TLN2: variants seen among roughly 807,000 people sequenced by gnomAD.
TLN2 encodes the protein talin 2, also known as talin-2.
Under a neutral mutation model 294.7 loss-of-function variants are expected in TLN2, and 118 were observed. The ratio of observed to expected loss-of-function variants is 0.40; its 90% CI spans 0.34 to 0.47. The LOEUF is 0.47. Ranked by LOEUF, TLN2 falls within the 20% of genes least tolerant of loss-of-function variation. The pLI, the probability that TLN2 is intolerant of heterozygous loss-of-function variation, is 0.84. For synonymous variants in TLN2, 1,431 were observed against 1,304.5 expected (o/e 1.10, Z -2.09); for missense variants, 3,083 against 3,282.2 (o/e 0.94, Z 1.48).
chr15:62,552,708 T>G (rs2042390861), intron 1 of TLN2, among the ~76,000 whole-genome samples: 1 of 152,242 alleles, frequency 6.6e-6, no homozygotes, highest in South Asian at 2.1e-4. Flanking sequence ...GTCACAGTGC[T>G]GTTGCCTGGG....
rs770539424 is a variant in TLN2 at position 62,797,413 on chromosome 15, G to A, written c.6234+11G>A. On this transcript the variant is annotated intron_variant, in intron 48 of 58. Transcript: ENST00000636159. The stretch of plus-strand genomic sequence containing the variant: ...GACCCCGAGACCCAGGTACCAGCAG[G>A]GCCTGGGGAGTGCGTCCTCCCGGTC... 2.5e-6 allele frequency: 4 copies of A among 1,582,298 alleles called. No individual in the cohort carries two copies. Among genetic ancestry groups the A allele is most frequent in the African/African-American group, 1.4e-5 (1 of 73,422 alleles).
rs145432396 is a variant in TLN2, at chr15:62,674,725, C to T, written c.853-492C>T. On this transcript the variant is annotated intron_variant, in intron 10 of 58. Coordinates refer to ENST00000636159, the MANE Select transcript of TLN2 (RefSeq NM_015059.3). ...CCATGTTGGCCAGGCTGGTCTCAAACTCCTAATCTCAAATGATCTAGCCAC... is the reference window on the plus strand; with the variant it reads ...CCATGTTGGCCAGGCTGGTCTCAAATTCCTAATCTCAAATGATCTAGCCAC... 6.6e-3 allele frequency among the ~76,000 whole-genome samples: 1,011 copies of T among 152,234 alleles called. 10 individuals are homozygous for T. The highest frequency in any genetic ancestry group is 0.023 in the African/African-American group (956 of 41,520).
intron 19 of TLN2, among the ~76,000 whole-genome samples, chr15:62,703,808 C>T (rs1184001460): frequency 1.3e-5 from 2 of 152,162 alleles, no homozygotes; most frequent in East Asian, 3.9e-4. Flanking sequence ...ACTGTCACCA[C>T]TGTCTGCAGT....
intron 54 of TLN2, among the ~76,000 whole-genome samples, chr15:62,821,825 T>C (rs1303756095): frequency 1.3e-5 from 2 of 152,236 alleles, no homozygotes; most frequent in African/African-American, 2.4e-5. Flanking sequence ...ATTTTCTGGT[T>C]ACGCCTTTGT....
intron 1 of TLN2, among the ~76,000 whole-genome samples, chr15:62,499,597 A>G (rs1164692833): frequency 6.6e-6 from 1 of 152,090 alleles, no homozygotes; most frequent in Non-Finnish European, 1.5e-5. Context: ...TTAAATTAGC[A>G]AGGTTTCTCT....
intron 3 of TLN2, among the ~76,000 whole-genome samples, chr15:62,626,964 C>A (rs765645337): frequency 6.6e-6 from 1 of 152,228 alleles, no homozygotes; most frequent in East Asian, 1.9e-4. Flanking sequence ...TGGCAGATAT[C>A]CAGTTACATT....
At chr15:62,691,508 G>A (rs1441316230) in intron 12 of TLN2, among the ~76,000 whole-genome samples, 1 of 152,116 alleles carries the variant, frequency 6.6e-6, no homozygotes, top group African/African-American at 2.4e-5. Context: ...AAGAGAATTT[G>A]CAATTTATTG....
intron 37 of TLN2, among the ~76,000 whole-genome samples, chr15:62,760,202 C>A (rs2062576436): frequency 6.6e-6 from 1 of 152,146 alleles, no homozygotes; most frequent in Non-Finnish European, 1.5e-5. Flanking sequence ...CCAAGGCAAG[C>A]CAGGTACTAT....
At chr15:62,826,558 GTGGCAGTCC>G (rs981354708) in intron 54 of TLN2, among the ~76,000 whole-genome samples, 2 of 152,180 alleles carry the variant, frequency 1.3e-5, no homozygotes, top group African/African-American at 4.8e-5. Context: ...ACTAATAAAG[GTGGCAGTCC>G]TGAAGCCACC....
At chr15:62,474,437 G>A (rs1329626372) in intron 1 of TLN2, among the ~76,000 whole-genome samples, 1 of 151,916 alleles carries the variant, frequency 6.6e-6, no homozygotes, top group African/African-American at 2.4e-5. Flanking sequence ...GAGCCTGGGG[G>A]TTTGAGACCA....
intron 2 of TLN2, among the ~76,000 whole-genome samples, chr15:62,606,964 G>A (rs184584100): frequency 5.9e-5 from 9 of 152,154 alleles, no homozygotes; most frequent in Non-Finnish European, 8.8e-5. Context: ...CACCTCCGCC[G>A]CTGCCACCAT....
chr15:62,825,363 G>A (rs1269149857), intron 54 of TLN2, among the ~76,000 whole-genome samples: 1 of 152,144 alleles, frequency 6.6e-6, no homozygotes, highest in African/African-American at 2.4e-5. Context: ...TGTTTGAATT[G>A]ATGTGATTTT....
chr15:62,838,807 C>A lies in TLN2; in HGVS notation c.7375-49C>A, dbSNP rs764373626. On this transcript the variant is annotated intron_variant, in intron 57 of 58. Transcript: ENST00000636159. The stretch of plus-strand genomic sequence containing the variant: ...ACCTTCATGTCTATTCTTGCCAGGC[C>A]CAAATGGCTGTTTCTAATGATATAA... The A allele has an allele frequency of 1.9e-5, 31 of 1,600,550 alleles. No homozygotes were observed. The East Asian group carries it at 6.7e-4, about 35-fold the overall frequency.
chr15:62,702,476 A>T (rs2058775822), intron 18 of TLN2, among the ~76,000 whole-genome samples: 1 of 152,256 alleles, frequency 6.6e-6, no homozygotes. Context: ...TAAGGGGAAT[A>T]GAAGTTTGCA....
At chr15:62,522,524 CT>C (rs2040513681) in intron 1 of TLN2, among the ~76,000 whole-genome samples, 1 of 152,178 alleles carries the variant, frequency 6.6e-6, no homozygotes, top group African/African-American at 2.4e-5. Flanking sequence ...ACGCTGTGAG[CT>C]TTTTGCAGTT....
chr15:62,778,067 A>C (rs1466240081), intron 43 of TLN2, among the ~76,000 whole-genome samples: 1 of 152,212 alleles, frequency 6.6e-6, no homozygotes, highest in African/African-American at 2.4e-5. Flanking sequence ...TTTAATTGCT[A>C]ATTTAGAGAA....
intron 51 of TLN2, among the ~76,000 whole-genome samples, chr15:62,808,958 A>G (rs969893271): frequency 7.9e-5 from 12 of 152,234 alleles, no homozygotes; most frequent in Non-Finnish European, 1.6e-4. Context: ...GCTTGAGTGG[A>G]TAAAACATGG....
intron 21 of TLN2, among the ~76,000 whole-genome samples, chr15:62,709,965 C>T (rs2059319828): frequency 1.3e-5 from 2 of 152,098 alleles, no homozygotes; most frequent in Non-Finnish European, 2.9e-5. Context: ...GAACTCCTGA[C>T]CTCAGGTGAT....
At chr15:62,761,908 G>T (rs1037135978) in intron 38 of TLN2, 87 bp downstream of exon 38, 3 of 1,553,526 alleles carry the variant, frequency 1.9e-6, no homozygotes, top group African/African-American at 2.7e-5. Context: ...AACTCCAACA[G>T]CTCTCTCTGT....
Sources: allele counts gnomAD v4.1 joint callset (sites outside exome capture counted in the v4.1 genomes callset), GRCh38; gene constraint gnomAD v4.1.1; transcripts MANE v1.5; gene names NCBI Gene and HGNC (gene_info 2026-07-23, HGNC 2026-07-21).